ERLEC1: variants seen among roughly 807,000 people sequenced by gnomAD.
ERLEC1 encodes endoplasmic reticulum lectin 1.
A neutral mutation model predicts 68.0 loss-of-function variants in ERLEC1; 47 were observed. The ratio of observed to expected loss-of-function variants is 0.69; its 90% CI spans 0.55 to 0.88. The LOEUF (loss-of-function observed/expected upper bound fraction) is 0.88, where lower values mean the gene tolerates loss of function less well. ERLEC1 is among the 40% of genes least tolerant of loss of function. ERLEC1 has a pLI of 0.00. For synonymous variants in ERLEC1, 225 were observed against 203.2 expected (o/e 1.11, Z -0.91); for missense variants, 567 against 583.8 (o/e 0.97, Z 0.30).
chr2:53,802,997 A>G (rs769817291), intron 8 of ERLEC1, among the ~76,000 whole-genome samples: 22 of 152,106 alleles, frequency 1.4e-4, no homozygotes, highest in Admixed American at 9.2e-4. Context: ...TGTGATTCCA[A>G]TGTTACTTCC....
intron 1 of ERLEC1, among the ~76,000 whole-genome samples, chr2:53,790,002 G>A (rs1467312706): frequency 6.9e-6 from 1 of 145,748 alleles, no homozygotes. Flanking sequence ...CTGGGCGACA[G>A]AGGAGTCTGT....
At chr2:53,801,280 T>C in intron 6 of ERLEC1, 117 bp from the exon 7 acceptor site, 1 of 655,782 alleles carries the variant, frequency 1.5e-6, no homozygotes. Flanking sequence ...AAGTGTTACC[T>C]TTCAGTTAAT....
At chr2:53,788,033 A>G (rs1675164167) in intron 1 of ERLEC1, among the ~76,000 whole-genome samples, 1 of 152,186 alleles carries the variant, frequency 6.6e-6, no homozygotes, top group African/African-American at 2.4e-5. Context: ...GAACATTTGT[A>G]ACCTCGCGGA....
At chr2:53,814,681 A>G (rs1378696255) in intron 12 of ERLEC1, 61 bp downstream of exon 12, 9 of 1,239,458 alleles carry the variant, frequency 7.3e-6, no homozygotes, top group Middle Eastern at 1.9e-4. Context: ...CCTATGGACA[A>G]AAGTTTTATG....
chr2:53,811,715 T>G (rs2104333416), intron 10 of ERLEC1, among the ~76,000 whole-genome samples: 1 of 152,298 alleles, frequency 6.6e-6, no homozygotes. Flanking sequence ...AGGTAGTAAC[T>G]GGGGAAACTG....
chr2:53,808,782 G>A (rs1676436065), intron 9 of ERLEC1, among the ~76,000 whole-genome samples: 1 of 152,080 alleles, frequency 6.6e-6, no homozygotes, highest in Non-Finnish European at 1.5e-5. Context: ...TTTCAAACTG[G>A]AATTAACATC....
At chr2:53,815,579 C>G (rs1430782903) in intron 13 of ERLEC1, among the ~76,000 whole-genome samples, 1 of 152,168 alleles carries the variant, frequency 6.6e-6, no homozygotes, top group Non-Finnish European at 1.5e-5. Flanking sequence ...ACCCCTTAGC[C>G]TTGCTCAAAG....
At chr2:53,804,191 G>T (rs1278106518) in intron 8 of ERLEC1, among the ~76,000 whole-genome samples, 1 of 152,026 alleles carries the variant, frequency 6.6e-6, no homozygotes, top group African/African-American at 2.4e-5. Context: ...TCTAATTTTT[G>T]TGGGTACATA....
intron 1 of ERLEC1, chr2:53,788,534 C>G (rs925152065): frequency 4.0e-5 from 6 of 151,808 alleles, no homozygotes; most frequent in African/African-American, 1.5e-4. Flanking sequence ...GTAGCTGGGA[C>G]TATAGGGAAA....
intron 8 of ERLEC1, among the ~76,000 whole-genome samples, chr2:53,803,316 A>G (rs1573085604): frequency 1.3e-5 from 2 of 152,114 alleles, no homozygotes; most frequent in East Asian, 1.9e-4. Context: ...TTGAAATGCT[A>G]TATTAAAAGA....
chr2:53,817,636 G>C (rs1002730921), intron 13 of ERLEC1, among the ~76,000 whole-genome samples: 1 of 151,944 alleles, frequency 6.6e-6, no homozygotes, highest in Non-Finnish European at 1.5e-5. Flanking sequence ...TAAGAGCTAT[G>C]TGTTCCTCTC....
intron 1 of ERLEC1, among the ~76,000 whole-genome samples, chr2:53,787,846 G>T (rs1264389251): frequency 6.6e-6 from 1 of 152,134 alleles, no homozygotes; most frequent in African/African-American, 2.4e-5. Context: ...ACGGACATAC[G>T]CAAACGCACA....
chr2:53,787,467 CT>C, intron 1 of ERLEC1, 95 bp downstream of exon 1: 1 of 1,431,180 alleles, frequency 7.0e-7, no homozygotes, highest in East Asian at 2.3e-5. Flanking sequence ...TCCCCAAGAC[CT>C]TCTCTGCAGA....
At chr2:53,813,107 T>G (rs771761312) in intron 11 of ERLEC1, 34 bp downstream of exon 11, 8 of 1,584,718 alleles carry the variant, frequency 5.0e-6, no homozygotes, top group Non-Finnish European at 6.0e-6. Flanking sequence ...TTGGAGCTAA[T>G]TACTACAATT....
intron 1 of ERLEC1, among the ~76,000 whole-genome samples, chr2:53,787,891 C>T (rs1207810358): frequency 5.9e-5 from 9 of 152,214 alleles, no homozygotes; most frequent in Non-Finnish European, 1.0e-4. Context: ...CTAGTTGTTT[C>T]TGAGAGGGCT....
intron 10 of ERLEC1, 132 bp from the exon 11 acceptor site, chr2:53,812,817 A>G (rs1305293760): frequency 3.6e-6 from 3 of 842,482 alleles, no homozygotes; most frequent in Non-Finnish European, 5.4e-6. Flanking sequence ...AATTTGACTG[A>G]CATCATTACA....
At chr2:53,789,482 A>G (rs1675268144) in intron 1 of ERLEC1, among the ~76,000 whole-genome samples, 3 of 152,122 alleles carry the variant, frequency 2.0e-5, no homozygotes, top group Admixed American at 2.0e-4. Context: ...TACAGCCTCA[A>G]ACTCCTGGGC....
chr2:53,787,560 C>T (rs1460110253), intron 1 of ERLEC1, 188 bp downstream of exon 1: 11 of 580,842 alleles, frequency 1.9e-5, no homozygotes, highest in African/African-American at 9.4e-5. Context: ...ATGCGTCCCC[C>T]TTGCTGAGCA....
chr2:53,791,118 T>C (rs1330821951), intron 1 of ERLEC1, among the ~76,000 whole-genome samples: 3 of 152,224 alleles, frequency 2.0e-5, no homozygotes, highest in Non-Finnish European at 4.4e-5. Flanking sequence ...TCTACCAGAA[T>C]AGAAGTTCTC....
Sources: allele counts gnomAD v4.1 joint callset (sites outside exome capture counted in the v4.1 genomes callset), GRCh38; gene constraint gnomAD v4.1.1; transcripts MANE v1.5; gene names NCBI Gene and HGNC (gene_info 2026-07-23, HGNC 2026-07-21).